The following SGCZ variants were observed in gnomAD, a reference collection of about 807,000 sequenced individuals.
SGCZ encodes zeta-sarcoglycan.
SGCZ carries 40 observed loss-of-function variants against 41.3 expected under a neutral mutation model. That is an observed-to-expected ratio of 0.97 (90% CI 0.75 to 1.26). The LOEUF is 1.26. SGCZ is among the 50% of genes most tolerant of loss of function. The pLI is 0.00. For missense variants in SGCZ, 552 were observed against 369.8 expected (o/e 1.49, Z -4.04); for synonymous variants, 206 against 137.5 (o/e 1.50, Z -3.49).
chr8:14,311,974 A>G (rs1008646094), intron 3 of SGCZ, among the ~76,000 whole-genome samples: 4 of 152,182 alleles, frequency 2.6e-5, no homozygotes, highest in Non-Finnish European at 5.9e-5. Context: ...TTTATAATGC[A>G]GATTCCATTA....
At chr8:14,105,097 T>C (rs1162931036) in intron 6 of SGCZ, among the ~76,000 whole-genome samples, 1 of 152,110 alleles carries the variant, frequency 6.6e-6, no homozygotes, top group African/African-American at 2.4e-5. Flanking sequence ...TACTGTTATG[T>C]CTTTGTTAAC....
At chr8:14,120,655 A>G (rs1008496838) in intron 5 of SGCZ, among the ~76,000 whole-genome samples, 3 of 152,120 alleles carry the variant, frequency 2.0e-5, no homozygotes, top group Non-Finnish European at 4.4e-5. Context: ...AAAAAAATCC[A>G]AAAGAATCTA....
intron 1 of SGCZ, among the ~76,000 whole-genome samples, chr8:14,999,048 A>T (rs1004057847): frequency 1.3e-5 from 2 of 152,158 alleles, no homozygotes; most frequent in Non-Finnish European, 2.9e-5. Flanking sequence ...GTCCCAGGTG[A>T]TGTTGGCAGA....
In SGCZ at chr8:15,019,787, T is replaced by G. The variant is rs796699822; in HGVS notation, c.39+217798A>C. Among the ~76,000 whole-genome samples, 8 of 150,660 alleles carry G rather than the reference T, an allele frequency of 5.3e-5. 1 individual carries two copies. The highest frequency in any genetic ancestry group is 2.0e-4 in the African/African-American group (8 of 40,856). ...ATGTCTCCATCAATTGATTTAGATC[T>G]CAGGATCATCTGGAGAAATACTGGG... On this transcript the variant is annotated intron_variant, in intron 1 of 7. Transcript: ENST00000382080.
At chr8:14,842,035 G>A (rs1205284288) in intron 1 of SGCZ, among the ~76,000 whole-genome samples, 1 of 152,164 alleles carries the variant, frequency 6.6e-6, no homozygotes, top group Admixed American at 6.6e-5. Context: ...AATAGGTGGT[G>A]AACATCAGCT....
intron 1 of SGCZ, among the ~76,000 whole-genome samples, chr8:15,107,289 C>T (rs1176174291): frequency 6.6e-6 from 1 of 152,112 alleles, no homozygotes; most frequent in African/African-American, 2.4e-5. Context: ...TAGATATGGT[C>T]TGTATTCACC....
At chr8:14,677,334 T>C (rs1320298603) in intron 1 of SGCZ, among the ~76,000 whole-genome samples, 3 of 152,170 alleles carry the variant, frequency 2.0e-5, no homozygotes, top group Non-Finnish European at 4.4e-5. Context: ...TATTTCATGT[T>C]CATGGATAGG....
At position 15,190,837 on chromosome 8, in the gene SGCZ, T is replaced by A. The variant is rs570728465; in HGVS notation, c.39+46748A>T. On this transcript the variant is annotated intron_variant, in intron 1 of 7. Transcript: ENST00000382080. ...ATAAATAGTGTTTCCAAAACTGGTT[T>A]GTAGCAGCTAAATGACTACTCCTTC... 2.0e-5 allele frequency among the ~76,000 whole-genome samples: 3 copies of A among 152,196 alleles called. No homozygotes were observed. In the South Asian group the frequency reaches 6.2e-4, roughly 32 times the overall value.
At chr8:14,852,026 A>G (rs2130656070) in intron 1 of SGCZ, among the ~76,000 whole-genome samples, 1 of 152,264 alleles carries the variant, frequency 6.6e-6, no homozygotes, top group Middle Eastern at 3.4e-3. Flanking sequence ...TTTAGCAATC[A>G]ACTTGTCCCC....
intron 3 of SGCZ, among the ~76,000 whole-genome samples, chr8:14,285,245 C>T (rs1360487593): frequency 6.6e-6 from 1 of 152,106 alleles, no homozygotes; most frequent in Non-Finnish European, 1.5e-5. Flanking sequence ...CTGGAGGCTT[C>T]AGAGCTTAGT....
chr8:14,260,393 T>C (rs533195707), intron 3 of SGCZ, among the ~76,000 whole-genome samples: 2 of 144,796 alleles, frequency 1.4e-5, no homozygotes, highest in East Asian at 4.0e-4. Flanking sequence ...AAAACCACAA[T>C]GAGATACCAT....
intron 1 of SGCZ, among the ~76,000 whole-genome samples, chr8:15,018,241 G>C (rs527889277): frequency 6.6e-6 from 1 of 152,254 alleles, no homozygotes; most frequent in African/African-American, 2.4e-5. Context: ...TTTCACGATA[G>C]GACAGACACT....
At chr8:14,811,519 T>TA (rs1801737971) in intron 1 of SGCZ, among the ~76,000 whole-genome samples, 2 of 40,372 alleles carry the variant, frequency 5.0e-5, no homozygotes, top group Admixed American at 5.9e-4. Context: ...ACACTGCATC[T>TA]TTTTTTTTTT....
intron 3 of SGCZ, among the ~76,000 whole-genome samples, chr8:14,295,438 T>C (rs1028027478): frequency 5.9e-5 from 9 of 152,184 alleles, no homozygotes; most frequent in South Asian, 2.1e-4. Flanking sequence ...ATACAGAGTA[T>C]AATTTACAAT....
chr8:15,229,046 G>A (rs550142729), intron 1 of SGCZ, among the ~76,000 whole-genome samples: 7 of 152,230 alleles, frequency 4.6e-5, no homozygotes, highest in Admixed American at 4.6e-4. Flanking sequence ...ACAAAAATCA[G>A]CCAGGCGTGA....
At chr8:14,383,466 A>G (rs1220070950) in intron 2 of SGCZ, among the ~76,000 whole-genome samples, 1 of 152,230 alleles carries the variant, frequency 6.6e-6, no homozygotes, top group Non-Finnish European at 1.5e-5. Context: ...AATTAGTTTC[A>G]TGCTTCAAAG....
intron 1 of SGCZ, among the ~76,000 whole-genome samples, chr8:14,880,149 C>T (rs543332079): frequency 4.6e-5 from 7 of 152,130 alleles, no homozygotes; most frequent in African/African-American, 1.7e-4. Flanking sequence ...CCCAAAAAAT[C>T]TGCATTTAAC....
At chr8:15,044,297 C>A (rs2130982993) in intron 1 of SGCZ, among the ~76,000 whole-genome samples, 1 of 152,240 alleles carries the variant, frequency 6.6e-6, no homozygotes, top group East Asian at 1.9e-4. Flanking sequence ...TTCAACCCTT[C>A]TTTTTCTGCC....
At chr8:15,153,252 A>C (rs559261081) in intron 1 of SGCZ, among the ~76,000 whole-genome samples, 3 of 39,840 alleles carry the variant, frequency 7.5e-5, no homozygotes, top group African/African-American at 1.8e-4. Flanking sequence ...CATGAAAATA[A>C]ACAACATAAA....
Sources: allele counts gnomAD v4.1 joint callset (sites outside exome capture counted in the v4.1 genomes callset), GRCh38; gene constraint gnomAD v4.1.1; transcripts MANE v1.5; gene names NCBI Gene and HGNC (gene_info 2026-07-23, HGNC 2026-07-21).